The following DPYD variants were observed in gnomAD, a reference collection of about 807,000 sequenced individuals.
DPYD encodes dihydropyrimidine dehydrogenase, also known as dihydropyrimidine dehydrogenase [NADP(+)].
In DPYD, 109 loss-of-function variants were observed where a neutral mutation model predicts 116.2. The ratio of observed to expected loss-of-function variants is 0.94; its 90% confidence interval spans 0.80 to 1.10. The LOEUF is 1.10. Ranked by LOEUF, DPYD falls within the 50% of genes least tolerant of loss-of-function variation. DPYD has a pLI of 0.00. For synonymous variants in DPYD, 440 were observed against 432.0 expected (o/e 1.02, Z -0.23); for missense variants, 1,302 against 1,254.5 (o/e 1.04, Z -0.57).
In DPYD at chr1:97,691,755, T is replaced by C; in HGVS notation, c.724A>G (p.Asn242Asp). Reference sequence around the variant, plus strand: ...TCCTTCATTAGCTCAATCTCAAAATTCACTACATCATACGGCAGCCGGAAC... The same window carrying C: ...TCCTTCATTAGCTCAATCTCAAAATCCACTACATCATACGGCAGCCGGAAC... ...PQFRLPYDVV[N>D]FEIELMKDLG... The change falls in exon 7 of 23, where the codon AAT becomes GAT. Residue 242 changes from asparagine to aspartate, a missense_variant. Physicochemically the swap from Asn to Asp is conservative, Grantham distance 23 (BLOSUM62 1). Transcript: ENST00000370192. 6.2e-7 allele frequency: 1 copy of C among 1,613,760 alleles called. No individual in the cohort carries two copies. The highest frequency in any genetic ancestry group is 8.5e-7 in the Non-Finnish European group (1 of 1,179,800).
chr1:97,272,185 T>C (rs1422120660), intron 18 of DPYD, among the ~76,000 whole-genome samples: 2 of 152,150 alleles, frequency 1.3e-5, no homozygotes, highest in Non-Finnish European at 2.9e-5. Context: ...CTCTATATTT[T>C]AAAACATATT....
chr1:97,704,735 T>C (rs1038917606), intron 5 of DPYD, among the ~76,000 whole-genome samples: 2 of 152,008 alleles, frequency 1.3e-5, no homozygotes, highest in African/African-American at 2.4e-5. Flanking sequence ...TTTGGCTCTT[T>C]CGGTGAGAAA....
chr1:97,491,497 A>G lies in DPYD; in HGVS notation c.1740+24229T>C, dbSNP rs527578708. Among the ~76,000 whole-genome samples, 7 of 151,986 alleles carry G rather than the reference A, an allele frequency of 4.6e-5. No individual in the cohort carries two copies. In the East Asian group the frequency reaches 1.2e-3, roughly 25 times the overall value. On this transcript the variant is annotated intron_variant, in intron 13 of 22. Transcript: ENST00000370192. ...TTCTGTGTCTTCATTTCCTTTTTTA[A>G]GCTGATTTTGAGGCCAATTTTCAGT...
chr1:97,579,719 G>A (rs1653508459), intron 10 of DPYD, among the ~76,000 whole-genome samples: 1 of 152,170 alleles, frequency 6.6e-6, no homozygotes, highest in Non-Finnish European at 1.5e-5. Flanking sequence ...TTTGTTTGAT[G>A]GAGCATGTCT....
At chr1:97,675,392 T>C (rs1660087993) in intron 8 of DPYD, among the ~76,000 whole-genome samples, 1 of 152,190 alleles carries the variant, frequency 6.6e-6, no homozygotes, top group Non-Finnish European at 1.5e-5. Context: ...GAATAAGACA[T>C]AGGGCTTTAT....
chr1:97,780,012 T>C (rs1362396281), intron 3 of DPYD, among the ~76,000 whole-genome samples: 2 of 152,224 alleles, frequency 1.3e-5, no homozygotes, highest in African/African-American at 2.4e-5. Flanking sequence ...ACTTAATTTC[T>C]ACATTGTTTG....
chr1:97,915,239 C>T (rs1383391484), intron 1 of DPYD, among the ~76,000 whole-genome samples: 2 of 152,076 alleles, frequency 1.3e-5, no homozygotes, highest in African/African-American at 2.4e-5. Context: ...TAACCCAGGT[C>T]TGTTTAAATA....
intron 8 of DPYD, among the ~76,000 whole-genome samples, chr1:97,610,893 C>T (rs1387570086): frequency 2.6e-5 from 4 of 151,788 alleles, no homozygotes; most frequent in Admixed American, 6.6e-5. Flanking sequence ...GCAAAGTAAC[C>T]GTGATGTCAG....
chr1:97,542,712 G>C (rs978524110), intron 12 of DPYD, among the ~76,000 whole-genome samples: 1 of 152,050 alleles, frequency 6.6e-6, no homozygotes, highest in African/African-American at 2.4e-5. Flanking sequence ...TAGACAATAG[G>C]ATTCTTACTT....
At chr1:97,540,382 CAA>C (rs1185853283) in intron 12 of DPYD, among the ~76,000 whole-genome samples, 2 of 142,952 alleles carry the variant, frequency 1.4e-5, no homozygotes, top group African/African-American at 5.0e-5. Flanking sequence ...CAAAACAAAA[CAA>C]AACAAAACAA....
chr1:97,699,935 G>A (rs947987306), intron 5 of DPYD, among the ~76,000 whole-genome samples: 1 of 152,070 alleles, frequency 6.6e-6, no homozygotes, highest in South Asian at 2.1e-4. Context: ...CATGTCACAT[G>A]TAAACACATT....
chr1:97,707,682 A>G (rs1662056052), intron 5 of DPYD, among the ~76,000 whole-genome samples: 2 of 151,958 alleles, frequency 1.3e-5, no homozygotes, highest in African/African-American at 2.4e-5. Flanking sequence ...TTGTTGTAGC[A>G]AACTGAGCAG....
intron 16 of DPYD, among the ~76,000 whole-genome samples, chr1:97,317,942 T>G (rs538015516): frequency 1.7e-3 from 261 of 152,078 alleles, no homozygotes; most frequent in Non-Finnish European, 3.4e-3. Context: ...TTTAAAGAAT[T>G]TCAATTTTCA....
At chr1:97,564,959 C>T (rs568183370) in intron 11 of DPYD, among the ~76,000 whole-genome samples, 4 of 151,988 alleles carry the variant, frequency 2.6e-5, no homozygotes, top group Admixed American at 6.6e-5. Context: ...TCGCATTGTA[C>T]CTTTCTCGCC....
At chr1:97,161,363 C>A (rs1351465951) in intron 20 of DPYD, among the ~76,000 whole-genome samples, 13 of 152,074 alleles carry the variant, frequency 8.5e-5, no homozygotes, top group Non-Finnish European at 1.9e-4. Context: ...TTCTACCATA[C>A]TGATACAAGT....
Position 97,831,279 on chromosome 1 carries a change from T to C in DPYD, c.151-3083A>G, listed in dbSNP as rs150269107. Among the ~76,000 whole-genome samples the C allele has an allele frequency of 2.4e-3, 358 of 152,300 alleles. 2 individuals are homozygous for C. Among genetic ancestry groups the C allele is most frequent in the African/African-American group, 8.3e-3 (346 of 41,566 alleles). On this transcript the variant is annotated intron_variant, in intron 2 of 22. Transcript: ENST00000370192. ...TAACATCTTTATCTGCTCAAACTTC[T>C]CATAAATAAAAGTAAGCATTAAATA...
chr1:97,653,829 TA>T (rs1012079282), intron 8 of DPYD, among the ~76,000 whole-genome samples: 15 of 152,224 alleles, frequency 9.9e-5, no homozygotes, highest in African/African-American at 3.1e-4. Flanking sequence ...CACACATACA[TA>T]AACACACACA....
intron 3 of DPYD, among the ~76,000 whole-genome samples, chr1:97,795,774 A>T (rs562902546): frequency 6.6e-6 from 1 of 152,126 alleles, no homozygotes; most frequent in African/African-American, 2.4e-5. Flanking sequence ...AATATGACTC[A>T]TTCTCTGGAA....
chr1:97,328,741 A>C lies in DPYD; in HGVS notation c.2059-22444T>G, dbSNP rs575111693. Among the ~76,000 whole-genome samples the C allele has an allele frequency of 3.3e-5, 5 of 152,308 alleles. No individual in the cohort carries two copies. In the East Asian group the frequency reaches 9.6e-4, roughly 29 times the overall value. Reference sequence around the variant, plus strand: ...GAAAAGGGAAAAATGGTCAGATTACATAAAATATAGGTTTACTTTTACAAA... The same window carrying C: ...GAAAAGGGAAAAATGGTCAGATTACCTAAAATATAGGTTTACTTTTACAAA... On this transcript the variant is annotated intron_variant, in intron 16 of 22. Coordinates refer to ENST00000370192, the MANE Select transcript of DPYD (RefSeq NM_000110.4).
Sources: allele counts gnomAD v4.1 joint callset (sites outside exome capture counted in the v4.1 genomes callset), GRCh38; gene constraint gnomAD v4.1.1; transcripts MANE v1.5; gene names NCBI Gene and HGNC (gene_info 2026-07-23, HGNC 2026-07-21).